Variants in WNK2 observed in about 807,000 individuals in gnomAD.
WNK2 encodes WNK lysine deficient protein kinase 2, also known as serine/threonine-protein kinase WNK2.
A neutral mutation model predicts 192.1 loss-of-function variants in WNK2; 67 were observed. The ratio of observed to expected loss-of-function variants is 0.35; its 90% CI spans 0.29 to 0.43. The LOEUF is 0.43. Ranked by LOEUF, WNK2 falls within the 20% of genes least tolerant of loss-of-function variation. The pLI is 1.00. For missense variants in WNK2, 2,698 were observed against 3,089.7 expected, an observed-to-expected ratio of 0.87 and a Z score of 3.01; for synonymous variants, 1,439 against 1,393.9, an observed-to-expected ratio of 1.03 and a Z score of -0.72.
chr9:93,263,779 T>C (rs1588284557), intron 15 of WNK2, 45 bp downstream of exon 15: 2 of 250,642 alleles, frequency 8.0e-6, no homozygotes, highest in Admixed American at 4.9e-5. Flanking sequence ...GGTGGGGGCA[T>C]GGTGGGGGTG....
intron 26 of WNK2, among the ~76,000 whole-genome samples, chr9:93,301,581 C>T (rs924336592): frequency 6.6e-6 from 1 of 152,126 alleles, no homozygotes; most frequent in Non-Finnish European, 1.5e-5. Context: ...GAGTGGGCGC[C>T]TTCCCCCCCA....
At chr9:93,294,017 TTTA>T (rs71511652) in intron 23 of WNK2, among the ~76,000 whole-genome samples, 10,885 of 152,184 alleles carry the variant, frequency 0.072, 455 homozygotes, top group Middle Eastern at 0.13. Flanking sequence ...CCAGCAAATA[TTTA>T]TTCTGTCCTG....
At chr9:93,318,091 T>G (rs1288960395) in intron 29 of WNK2, 1 of 1,593,632 alleles carries the variant, frequency 6.3e-7, no homozygotes, top group Non-Finnish European at 8.6e-7. Flanking sequence ...GGTTAGAACC[T>G]TGTCGTCACC....
At chr9:93,317,478 C>T in intron 28 of WNK2, 42 bp from the exon 29 acceptor site, 2 of 1,600,002 alleles carry the variant, frequency 1.3e-6, no homozygotes, top group Non-Finnish European at 1.7e-6. Flanking sequence ...CAGCTGATTG[C>T]AGCCACGTGT....
intron 26 of WNK2, among the ~76,000 whole-genome samples, chr9:93,301,874 T>G (rs1588569383): frequency 6.6e-6 from 1 of 152,222 alleles, no homozygotes; most frequent in South Asian, 2.1e-4. Flanking sequence ...AGTCTTAGTC[T>G]TAGTCTTTTT....
chr9:93,185,439 G>T lies in WNK2; in HGVS notation c.510G>T (p.Arg170=). The change falls in exon 2 of 30, where the codon CGG becomes CGT. Residue 170 remains arginine (R), a synonymous_variant. Transcript: ENST00000427277. ...EAKPEPGRTR[R]DEPEEEEDDE... ...AGCCTGAGCCCGGGCGCACTCGCCG[G>T]GACGAGCCCGAAGAGGAGGAGGACG... 6.2e-7 allele frequency: 1 copy of T among 1,612,088 alleles called. No homozygotes were observed. Among genetic ancestry groups the T allele is most frequent in the African/African-American group, 1.3e-5 (1 of 75,052 alleles).
intron 8 of WNK2, among the ~76,000 whole-genome samples, chr9:93,251,290 C>T (rs60316441): frequency 0.033 from 4,936 of 151,548 alleles, 97 homozygotes; most frequent in Non-Finnish European, 0.044. Flanking sequence ...TGATTTTTTT[C>T]GTATTTTTAG....
chr9:93,213,964 T>C (rs1835242163), intron 2 of WNK2, among the ~76,000 whole-genome samples: 1 of 152,236 alleles, frequency 6.6e-6, no homozygotes. Flanking sequence ...GCTTTTTGTG[T>C]ACTGTTATAT....
chr9:93,268,592 C>G, intron 18 of WNK2, 35 bp from the exon 19 acceptor site: 1 of 1,590,010 alleles, frequency 6.3e-7, no homozygotes, highest in Non-Finnish European at 8.6e-7. Flanking sequence ...AAGGCGCTCA[C>G]TCACTCAGCG....
rs183077651 is a variant in WNK2, at chr9:93,185,630, C to T, written c.681+20C>T. 8 of 1,599,148 alleles carry T rather than the reference C, an allele frequency of 5.0e-6. No individual in the cohort carries two copies. In the South Asian group the frequency reaches 9.0e-5, roughly 18 times the overall value. On this transcript the variant is annotated intron_variant, in intron 2 of 29. Transcript: ENST00000427277. ...CTGCAGGTGAGGGTGCCCCAGCCCG[C>T]AGGGGGCTTTCCGCAGGGTCTGTCC...
rs184213447 is a variant in WNK2, at chr9:93,263,090, G to T, written c.3410+371G>T. On this transcript the variant is annotated intron_variant, in intron 14 of 29. Transcript: ENST00000427277. ...ATCCAGCCCCGATCCTGGGTTTCCT[G>T]GCCTCCTGGGCTGTGGACACAGGTG... Among the ~76,000 whole-genome samples the T allele has an allele frequency of 4.3e-4, 66 of 152,292 alleles. No individual in the cohort carries two copies. In the East Asian group the frequency reaches 9.7e-3, roughly 22 times the overall value.
chr9:93,250,078 T>A (rs1427862759), intron 8 of WNK2, among the ~76,000 whole-genome samples: 1 of 152,122 alleles, frequency 6.6e-6, no homozygotes, highest in Non-Finnish European at 1.5e-5. Context: ...CACGCCCAGC[T>A]AATTTTTGTA....
chr9:93,222,652 G>A (rs1420857038), intron 2 of WNK2, among the ~76,000 whole-genome samples: 1 of 152,094 alleles, frequency 6.6e-6, no homozygotes, highest in African/African-American at 2.4e-5. Flanking sequence ...CTTTTATTTG[G>A]TGGTGTCGGG....
At chr9:93,287,713 T>C (rs1178552767) in intron 19 of WNK2, among the ~76,000 whole-genome samples, 1 of 152,144 alleles carries the variant, frequency 6.6e-6, no homozygotes, top group Non-Finnish European at 1.5e-5. Context: ...ATTCTCACCT[T>C]TTATTTTTTG....
chr9:93,314,461 G>A (rs1464922516), intron 28 of WNK2, among the ~76,000 whole-genome samples: 2 of 151,140 alleles, frequency 1.3e-5, no homozygotes, highest in Admixed American at 6.6e-5. Flanking sequence ...AAAAAAAACA[G>A]CTGGGCATGG....
intron 19 of WNK2, among the ~76,000 whole-genome samples, chr9:93,275,651 A>C (rs1846738203): frequency 6.6e-6 from 1 of 152,254 alleles, no homozygotes; most frequent in East Asian, 1.9e-4. Context: ...GATTAAAAAG[A>C]AAGAAATAAA....
At chr9:93,263,893 G>A (rs1844753327) in intron 15 of WNK2, 24 bp from the exon 16 acceptor site, 2 of 1,593,068 alleles carry the variant, frequency 1.3e-6, no homozygotes, top group African/African-American at 1.3e-5. Flanking sequence ...CGCCCGTGGT[G>A]GGTGCTGATG....
intron 5 of WNK2, 94 bp downstream of exon 5, chr9:93,235,059 C>T: frequency 8.1e-6 from 12 of 1,473,874 alleles, no homozygotes; most frequent in Non-Finnish European, 1.0e-5. Context: ...TAAAGCCATC[C>T]TGGCAGCTGT....
chr9:93,319,675 G>A (rs1453984562), intron 29 of WNK2, among the ~76,000 whole-genome samples: 1 of 152,250 alleles, frequency 6.6e-6, no homozygotes, highest in Non-Finnish European at 1.5e-5. Context: ...CTCAGGGGAA[G>A]TGGGAGCTCC....
Sources: gnomAD v4.1 joint callset for allele counts (sites outside exome capture counted in the v4.1 genomes callset) on GRCh38, gnomAD v4.1.1 for gene constraint, MANE v1.5 for transcripts, NCBI Gene and HGNC (gene_info 2026-07-23, HGNC 2026-07-21) for gene names.